RPS6KA2: variants seen among roughly 807,000 people sequenced by gnomAD.
RPS6KA2 encodes the protein ribosomal protein S6 kinase A2, also known as ribosomal protein S6 kinase alpha-2.
RPS6KA2 carries 42 observed loss-of-function variants against 91.8 expected under a neutral mutation model. That is an observed-to-expected ratio of 0.46 (90% CI 0.36 to 0.59). The LOEUF (loss-of-function observed/expected upper bound fraction) is 0.59. RPS6KA2 is among the 20% of genes least tolerant of loss of function. The pLI, the probability that RPS6KA2 is intolerant of heterozygous loss-of-function variation, is 0.00. For synonymous variants in RPS6KA2, 414 were observed against 393.6 expected, an observed-to-expected ratio of 1.05 and a Z score of -0.61; for missense variants, 798 against 978.5, an observed-to-expected ratio of 0.82 and a Z score of 2.46.
intron 2 of RPS6KA2, among the ~76,000 whole-genome samples, chr6:166,820,746 T>C (rs1779886930): frequency 1.3e-5 from 2 of 152,230 alleles, no homozygotes; most frequent in African/African-American, 4.8e-5. Flanking sequence ...ATACTTATTA[T>C]AGAGAATTGT....
intron 10 of RPS6KA2, among the ~76,000 whole-genome samples, chr6:166,485,341 T>G (rs1236130949): frequency 2.0e-5 from 3 of 152,222 alleles, no homozygotes; most frequent in Admixed American, 1.3e-4. Context: ...CTGTGCATTT[T>G]GTGGCAGTTT....
chr6:166,461,556 A>T (rs1390382064), intron 11 of RPS6KA2, among the ~76,000 whole-genome samples: 1 of 95,310 alleles, frequency 1.0e-5, no homozygotes, highest in African/African-American at 4.3e-5. Flanking sequence ...GGGGGGAGAA[A>T]GAGACGGAGG....
At chr6:166,794,395 G>A (rs1310810992) in intron 2 of RPS6KA2, among the ~76,000 whole-genome samples, 1 of 152,186 alleles carries the variant, frequency 6.6e-6, no homozygotes, top group Non-Finnish European at 1.5e-5. Context: ...GAACACTTTT[G>A]CACTGTTGGT....
At chr6:166,830,291 T>G (rs1780153848) in intron 2 of RPS6KA2, among the ~76,000 whole-genome samples, 1 of 151,526 alleles carries the variant, frequency 6.6e-6, no homozygotes, top group Non-Finnish European at 1.5e-5. Flanking sequence ...GTGCCTAGAG[T>G]GTCAAAATTA....
chr6:166,810,159 C>T (rs1187059358), intron 2 of RPS6KA2, among the ~76,000 whole-genome samples: 2 of 152,190 alleles, frequency 1.3e-5, no homozygotes, highest in African/African-American at 4.8e-5. Flanking sequence ...TGATAACTCA[C>T]TCACTGTCAC....
intron 12 of RPS6KA2, among the ~76,000 whole-genome samples, chr6:166,458,942 C>G (rs1780187894): frequency 6.6e-6 from 1 of 152,104 alleles, no homozygotes; most frequent in Non-Finnish European, 1.5e-5. Flanking sequence ...TTTGCTAGAC[C>G]CCAAGAGTAA....
At chr6:166,520,099 A>T (rs1157245700) in intron 3 of RPS6KA2, among the ~76,000 whole-genome samples, 3 of 152,228 alleles carry the variant, frequency 2.0e-5, no homozygotes, top group Non-Finnish European at 2.9e-5. Context: ...GAACTGGGAC[A>T]TGCATGTTTT....
intron 2 of RPS6KA2, among the ~76,000 whole-genome samples, chr6:166,646,112 G>A (rs1374030165): frequency 6.6e-6 from 1 of 152,314 alleles, no homozygotes; most frequent in Middle Eastern, 3.4e-3. Flanking sequence ...ATTTGCCATG[G>A]TCCCTGAGCA....
At chr6:166,792,375 C>T (rs1562442509) in intron 2 of RPS6KA2, among the ~76,000 whole-genome samples, 1 of 151,492 alleles carries the variant, frequency 6.6e-6, no homozygotes, top group African/African-American at 2.4e-5. Flanking sequence ...GCCTACCAAC[C>T]AAAAAAAGTC....
chr6:166,686,659 C>T (rs1203858113), intron 2 of RPS6KA2, among the ~76,000 whole-genome samples: 1 of 152,214 alleles, frequency 6.6e-6, no homozygotes, highest in Non-Finnish European at 1.5e-5. Flanking sequence ...TCCTGGCTTC[C>T]TCTGGGAAGC....
chr6:166,745,775 G>A (rs1790988693), intron 2 of RPS6KA2, among the ~76,000 whole-genome samples: 1 of 152,236 alleles, frequency 6.6e-6, no homozygotes, highest in South Asian at 2.1e-4. Context: ...GTGTGAGGCT[G>A]AGGAGACTCT....
intron 1 of RPS6KA2, among the ~76,000 whole-genome samples, chr6:166,613,949 T>G (rs910686138): frequency 1.3e-5 from 2 of 152,146 alleles, no homozygotes; most frequent in African/African-American, 2.4e-5. Flanking sequence ...CTTTGGGCTC[T>G]CACAGCCCAC....
In RPS6KA2 at chr6:166,805,279, T is replaced by C. The variant is rs538619211; in HGVS notation, c.123+52921A>G. 1.4e-4 allele frequency among the ~76,000 whole-genome samples: 22 copies of C among 152,312 alleles called. No homozygotes were observed. In the East Asian group the frequency reaches 4.1e-3, roughly 28 times the overall value. On this transcript the variant is annotated intron_variant, in intron 2 of 21. Coordinates refer to the RPS6KA2 transcript ENST00000503859. ...TTAATGGGCAAAGAGAATACCGTCC[T>C]CCAATGACAAGGGATCTGTGCTCTG...
chr6:166,463,245 A>G (rs1344106846), intron 11 of RPS6KA2: 1 of 152,278 alleles, frequency 6.6e-6, no homozygotes, highest in Non-Finnish European at 1.5e-5. Flanking sequence ...GGGAGAAGTC[A>G]TCCGGCCTCT....
At chr6:166,507,471 T>C (rs149714381) in intron 5 of RPS6KA2, among the ~76,000 whole-genome samples, 3 of 143,194 alleles carry the variant, frequency 2.1e-5, no homozygotes, top group African/African-American at 8.0e-5. Flanking sequence ...ACACCCTACA[T>C]AGGCACACAG....
intron 5 of RPS6KA2, among the ~76,000 whole-genome samples, chr6:166,507,388 A>C (rs1034064845): frequency 2.0e-5 from 3 of 150,180 alleles, no homozygotes; most frequent in South Asian, 2.1e-4. Context: ...ACACACACAC[A>C]CCCACCCCAC....
chr6:166,853,746 C>T (rs1047194509), intron 2 of RPS6KA2, among the ~76,000 whole-genome samples: 3 of 152,270 alleles, frequency 2.0e-5, no homozygotes, highest in African/African-American at 4.8e-5. Context: ...AGACCCTCAA[C>T]AAGTCCGCCC....
chr6:166,599,976 G>A (rs1316726148), intron 1 of RPS6KA2, among the ~76,000 whole-genome samples: 15 of 152,104 alleles, frequency 9.9e-5, no homozygotes, highest in Admixed American at 3.3e-4. Context: ...CCCCTCCTCC[G>A]TATATGGGTG....
chr6:166,718,025 T>G (rs901397543), intron 2 of RPS6KA2, among the ~76,000 whole-genome samples: 2 of 152,096 alleles, frequency 1.3e-5, no homozygotes, highest in Non-Finnish European at 1.5e-5. Flanking sequence ...ATTTTTGTAT[T>G]TTTAGTAGAG....
Sources: gnomAD v4.1 joint callset for allele counts (sites outside exome capture counted in the v4.1 genomes callset) on GRCh38, gnomAD v4.1.1 for gene constraint, MANE v1.5 for transcripts, NCBI Gene and HGNC (gene_info 2026-07-23, HGNC 2026-07-21) for gene names.